Variants in GAP43 observed in about 807,000 individuals in gnomAD.
GAP43 encodes the protein growth associated protein 43, also known as neuromodulin.
Under a neutral mutation model 18.6 loss-of-function variants are expected in GAP43, and 6 were observed. That is an observed-to-expected ratio of 0.32 (90% CI 0.18 to 0.64). GAP43 has a LOEUF of 0.64. GAP43 is among the 30% of genes least tolerant of loss of function. GAP43 has a pLI of 0.78. For synonymous variants in GAP43, 115 were observed against 111.4 expected (o/e 1.03, Z -0.20); for missense variants, 292 against 295.5 (o/e 0.99, Z 0.09).
chr3:115,693,451 G>A (rs371954752), intron 2 of GAP43, among the ~76,000 whole-genome samples: 6 of 151,832 alleles, frequency 4.0e-5, no homozygotes, highest in African/African-American at 9.7e-5. Context: ...TAAGAGCCAC[G>A]GGGAGACTCT....
intron 1 of GAP43, among the ~76,000 whole-genome samples, chr3:115,651,879 T>C (rs1358639543): frequency 6.6e-6 from 1 of 152,168 alleles, no homozygotes; most frequent in Admixed American, 6.6e-5. Context: ...GCCCCTGTTC[T>C]GGCCCTCTTC....
chr3:115,687,701 C>T (rs1709052959), intron 2 of GAP43, among the ~76,000 whole-genome samples: 1 of 152,030 alleles, frequency 6.6e-6, no homozygotes, highest in African/African-American at 2.4e-5. Context: ...TCTCGCAATC[C>T]CCTACACCTC....
intron 1 of GAP43, among the ~76,000 whole-genome samples, chr3:115,673,026 T>C (rs947728929): frequency 6.6e-6 from 1 of 152,146 alleles, no homozygotes; most frequent in Non-Finnish European, 1.5e-5. Flanking sequence ...TTGTTTTTCA[T>C]GGTTCTCCCC....
intron 1 of GAP43, among the ~76,000 whole-genome samples, chr3:115,641,949 CCT>C (rs1553720379): frequency 6.6e-6 from 1 of 152,040 alleles, no homozygotes; most frequent in Non-Finnish European, 1.5e-5. Flanking sequence ...TCTGAAACCC[CCT>C]GTTGAAGCCT....
At chr3:115,705,473 T>G (rs144301131) in intron 2 of GAP43, among the ~76,000 whole-genome samples, 426 of 152,282 alleles carry the variant, frequency 2.8e-3, no homozygotes, top group Non-Finnish European at 4.6e-3. Flanking sequence ...ATTTATTGAA[T>G]TTTTAAATGG....
intron 1 of GAP43, among the ~76,000 whole-genome samples, chr3:115,657,388 C>T (rs1212232531): frequency 1.3e-5 from 2 of 152,160 alleles, no homozygotes; most frequent in Admixed American, 6.5e-5. Flanking sequence ...TGAAACTGAT[C>T]CCGGGCCTCT....
At position 115,627,122 on chromosome 3, in the gene GAP43, CTTTTTTCTTTCT is replaced by C. The variant is rs1412962762; in HGVS notation, c.30+3410_30+3421del. On this transcript the variant is annotated intron_variant, in intron 1 of 2. Transcript: ENST00000305124. Reference sequence around the variant, plus strand: ...AAAATATTTGAAGGGCATTTTCTTTCTTTTTTCTTTCTTTTTTTTTTTTTTTTGCCAAATTAT... The same window carrying C: ...AAAATATTTGAAGGGCATTTTCTTTCTTTTTTTTTTTTTTTGCCAAATTAT... 9.4e-3 allele frequency among the ~76,000 whole-genome samples: 1,062 copies of C among 112,930 alleles called. 14 individuals are homozygous for C. Among genetic ancestry groups the C allele is most frequent in the African/African-American group, 0.032 (980 of 30,550 alleles). 74.1% of individuals were successfully genotyped at this position (112,930 alleles called of 152,430 possible).
At chr3:115,695,409 C>A (rs551565693) in intron 2 of GAP43, among the ~76,000 whole-genome samples, 1 of 152,094 alleles carries the variant, frequency 6.6e-6, no homozygotes, top group Non-Finnish European at 1.5e-5. Context: ...TTTCCAAGGA[C>A]CCCAACTTTT....
intron 1 of GAP43, chr3:115,661,258 C>T (rs7622722): frequency 0.79 from 119,475 of 152,122 alleles, 47,058 homozygotes; most frequent in Admixed American, 0.85. Context: ...AGCAAGTTTT[C>T]TGTGCTTTTT....
At chr3:115,698,953 G>A (rs1472910464) in intron 2 of GAP43, among the ~76,000 whole-genome samples, 1 of 152,146 alleles carries the variant, frequency 6.6e-6, no homozygotes, top group Non-Finnish European at 1.5e-5. Flanking sequence ...GGGAGGAGCA[G>A]GAAGGCAGGA....
chr3:115,663,116 C>T (rs144747373), intron 1 of GAP43, among the ~76,000 whole-genome samples: 1 of 152,276 alleles, frequency 6.6e-6, no homozygotes, highest in East Asian at 1.9e-4. Context: ...ACATTTTCTC[C>T]ACAACCTATG....
chr3:115,629,585 C>T (rs1708236759), intron 1 of GAP43, among the ~76,000 whole-genome samples: 1 of 152,126 alleles, frequency 6.6e-6, no homozygotes, highest in Admixed American at 6.6e-5. Flanking sequence ...TTTTCTTCTA[C>T]CTTCTTTTTG....
chr3:115,672,555 A>G lies in GAP43; in HGVS notation c.31-3458A>G, dbSNP rs567516435. ...TTAATAGAATCATTAGAAATACAAA[A>G]GAAAGACACACAAACAAAATCCAGT... On this transcript the variant is annotated intron_variant, in intron 1 of 2. Transcript: ENST00000305124. Among the ~76,000 whole-genome samples, 267 of 152,344 alleles carry G rather than the reference A, an allele frequency of 1.8e-3. 1 individual carries two copies. The highest frequency in any genetic ancestry group is 1.3e-3 in the Non-Finnish European group (87 of 68,024).
At chr3:115,720,429 C>G (rs1709563021) in intron 2 of GAP43, among the ~76,000 whole-genome samples, 1 of 152,198 alleles carries the variant, frequency 6.6e-6, no homozygotes. Context: ...CACAATTCTT[C>G]TGACACTAAT....
rs572463209 is a variant in GAP43, at chr3:115,719,630, A to G, written c.629-1164A>G. 3.3e-5 allele frequency among the ~76,000 whole-genome samples: 5 copies of G among 152,282 alleles called. No homozygotes were observed. In the East Asian group the frequency reaches 7.7e-4, roughly 24 times the overall value. On this transcript the variant is annotated intron_variant, in intron 2 of 2. Coordinates refer to ENST00000305124, the MANE Select transcript of GAP43 (RefSeq NM_002045.4). Reference sequence around the variant, plus strand: ...ACATCCTGGGTGACTCCATGGGGAGAAGACTCTTAGAAATTTGTTTGGTTT... The same window carrying G: ...ACATCCTGGGTGACTCCATGGGGAGGAGACTCTTAGAAATTTGTTTGGTTT...
intron 1 of GAP43, among the ~76,000 whole-genome samples, chr3:115,636,999 T>A (rs2107468168): frequency 6.6e-6 from 1 of 152,212 alleles, no homozygotes; most frequent in African/African-American, 2.4e-5. Context: ...TTCCTATAAT[T>A]TTGTTCATTG....
chr3:115,661,753 G>C (rs186236177), intron 1 of GAP43, among the ~76,000 whole-genome samples: 302 of 151,288 alleles, frequency 2.0e-3, no homozygotes, highest in African/African-American at 6.8e-3. Flanking sequence ...CTCCCAAAGT[G>C]CTGGGATTAC....
intron 2 of GAP43, among the ~76,000 whole-genome samples, chr3:115,705,404 G>A (rs1709347601): frequency 6.6e-6 from 1 of 152,078 alleles, no homozygotes; most frequent in Non-Finnish European, 1.5e-5. Context: ...GTAAATATTG[G>A]AAATACCAAC....
At chr3:115,640,538 G>A (rs907353330) in intron 1 of GAP43, among the ~76,000 whole-genome samples, 1 of 152,074 alleles carries the variant, frequency 6.6e-6, no homozygotes, top group African/African-American at 2.4e-5. Flanking sequence ...TTGACAGAGT[G>A]GAAAACCATT....
Sources: gnomAD v4.1 joint callset for allele counts (sites outside exome capture counted in the v4.1 genomes callset) on GRCh38, gnomAD v4.1.1 for gene constraint, MANE v1.5 for transcripts, NCBI Gene and HGNC (gene_info 2026-07-23, HGNC 2026-07-21) for gene names.